The following SHKBP1 variants were observed in gnomAD, a reference collection of about 807,000 sequenced individuals.
The protein encoded by SHKBP1 is SH3KBP1 binding protein 1, also known as SH3KBP1-binding protein 1.
In SHKBP1, 71 loss-of-function variants were observed where a neutral mutation model predicts 83.9. The ratio of observed to expected loss-of-function variants is 0.85; its 90% CI spans 0.70 to 1.03. The LOEUF (loss-of-function observed/expected upper bound fraction) is 1.03. SHKBP1 is among the 50% of genes least tolerant of loss of function. The pLI is 0.00. For missense variants in SHKBP1, 824 were observed against 982.4 expected (o/e 0.84, Z 2.16); for synonymous variants, 371 against 398.0 (o/e 0.93, Z 0.81).
chr19:40,590,838 G>T lies in SHKBP1; in HGVS notation c.1877G>T (p.Arg626Leu). ...SWGCLPSPSP[R>L]ISLTSLHSAS... ...GGCTGTCTCCCCAGCCCCTCACCCCGCATCTCCCTCACCAGGTAGCCACAA... is the reference window on the plus strand; with the variant it reads ...GGCTGTCTCCCCAGCCCCTCACCCCTCATCTCCCTCACCAGGTAGCCACAA... Residue 626 changes from arginine to leucine, a missense_variant, in exon 17 of 18, where the codon CGC (arginine) becomes CTC (leucine). Transcript: ENST00000291842. The surrounding 1 kb of genome is among the most constrained non-coding windows in gnomAD (Gnocchi z 4.6). The T allele has an allele frequency of 3.8e-6, 6 of 1,584,702 alleles. No individual in the cohort carries two copies. The highest frequency in any genetic ancestry group is 4.3e-6 in the Non-Finnish European group (5 of 1,158,502).
At chr19:40,581,899 T>C (rs1390698353) in intron 9 of SHKBP1, among the ~76,000 whole-genome samples, 1 of 151,692 alleles carries the variant, frequency 6.6e-6, no homozygotes, top group African/African-American at 2.4e-5. Context: ...CCATTTTATC[T>C]TCTCTAATTC....
At chr19:40,584,364 C>T (rs1012113393) in intron 12 of SHKBP1, among the ~76,000 whole-genome samples, 3 of 152,186 alleles carry the variant, frequency 2.0e-5, no homozygotes, top group Non-Finnish European at 4.4e-5. Flanking sequence ...CCTGAGTTCT[C>T]TTACTTGAGA....
intron 13 of SHKBP1, 116 bp downstream of exon 13, chr19:40,587,060 G>A (rs2081318563): frequency 1.1e-5 from 11 of 974,042 alleles, no homozygotes; most frequent in Admixed American, 2.4e-5. Context: ...GAGCTCTGGC[G>A]GAGAGGATTG....
chr19:40,578,165 G>T lies in SHKBP1; in HGVS notation c.272G>T (p.Gly91Val). Residue 91 changes from glycine (G) to valine (V), a missense_variant, in exon 5 of 18, where the codon GGT becomes GTT. Coordinates refer to ENST00000291842, the MANE Select transcript of SHKBP1 (RefSeq NM_138392.4). The stretch of plus-strand genomic sequence containing the variant: ...ATTCTACTACCCAGGGGTGTCCACG[G>T]TTCCAGCCTCCTCCATGAAGCCCAG... Reference protein sequence around the residue: ...TKELDPRGVHGSSLLHEAQFY... With the variant: ...TKELDPRGVHVSSLLHEAQFY... The T allele has an allele frequency of 6.2e-7, 1 of 1,614,068 alleles. No homozygotes were observed. Among genetic ancestry groups the T allele is most frequent in the African/African-American group, 1.3e-5 (1 of 75,002 alleles).
intron 1 of SHKBP1, 69 bp downstream of exon 1, chr19:40,577,054 C>A: frequency 1.5e-6 from 2 of 1,304,726 alleles, no homozygotes; most frequent in Admixed American, 2.6e-5. Context: ...TCCGCCTCTC[C>A]TGGGGGAATC....
rs754046552 is a variant in SHKBP1, at chr19:40,588,644, G to A, written c.1357G>A (p.Val453Met). 1.5e-5 allele frequency: 25 copies of A among 1,614,036 alleles called. No homozygotes were observed. Among genetic ancestry groups the A allele is most frequent in the East Asian group, 4.5e-5 (2 of 44,888 alleles). The change falls in exon 14 of 18, where the codon GTG becomes ATG. Residue 453 changes from valine (V) to methionine (M), a missense_variant. By Grantham distance (21) the Val-to-Met change is conservative. Transcript: ENST00000291842. ...LISVCADNNH[V>M]RTWSVTRFRG... is the part of the protein sequence containing the mutation. ...CTCAGTCTGTGCCGACAACAACCACGTGCGGACATGGTCTGTGACTCGCTT... is the reference window on the plus strand; with the variant it reads ...CTCAGTCTGTGCCGACAACAACCACATGCGGACATGGTCTGTGACTCGCTT...
In SHKBP1 at chr19:40,584,754, G is replaced by A. The variant is rs1350629432; in HGVS notation, c.1165+1037G>A. ...CTCATGCCTCAGCTTCCTGAGTAGG[G>A]GAGGATTACAGGTGTGCATCACCAT... On this transcript the variant is annotated intron_variant, in intron 12 of 17. Coordinates refer to ENST00000291842, the MANE Select transcript of SHKBP1 (RefSeq NM_138392.4). Among the ~76,000 whole-genome samples the A allele has an allele frequency of 2.6e-5, 4 of 152,182 alleles. No individual in the cohort carries two copies. The East Asian group carries it at 7.7e-4, about 29-fold the overall frequency.
At chr19:40,583,794 T>C in intron 12 of SHKBP1, 77 bp downstream of exon 12, 2 of 1,124,132 alleles carry the variant, frequency 1.8e-6, no homozygotes, top group Non-Finnish European at 2.7e-6. Context: ...CCCCAACTTG[T>C]GTAGCATGAC....
In SHKBP1 at chr19:40,590,127, A is replaced by G. The variant is rs751432336; in HGVS notation, c.1590-117A>G. Reference sequence around the variant, plus strand: ...ACTGGAACTCAAAAGCAGGCTAGGGATGGATAAAGATTGGGATGGCCCCTG... The same window carrying G: ...ACTGGAACTCAAAAGCAGGCTAGGGGTGGATAAAGATTGGGATGGCCCCTG... On this transcript the variant is annotated intron_variant, in intron 15 of 17. Transcript: ENST00000291842. The surrounding 1 kb of genome is among the most constrained non-coding windows in gnomAD (Gnocchi z 4.6). The G allele has an allele frequency of 1.4e-5, 16 of 1,185,004 alleles. No homozygotes were observed. Among genetic ancestry groups the G allele is most frequent in the Admixed American group, 1.1e-4 (4 of 37,200 alleles). 73.4% of individuals were successfully genotyped at this position (1,185,004 alleles called of 1,614,324 possible). A position where few individuals can be genotyped will look rare whatever the true frequency, so the allele number is the denominator to read the frequency against.
At chr19:40,578,760 C>T (rs907711842) in intron 6 of SHKBP1, among the ~76,000 whole-genome samples, 1 of 152,112 alleles carries the variant, frequency 6.6e-6, no homozygotes, top group African/African-American at 2.4e-5. Context: ...AGAAGGATGT[C>T]CTGGAGCCCC....
rs190370595 is a variant in SHKBP1 at position 40,580,620 on chromosome 19, T to G, written c.617T>G (p.Ile206Ser). The G allele has an allele frequency of 6.2e-6, 10 of 1,614,164 alleles. No individual in the cohort carries two copies. The highest frequency in any genetic ancestry group is 8.5e-6 in the Non-Finnish European group (10 of 1,180,036). Reference sequence around the variant, plus strand: ...CTGGTGTGTGGACACCATAATTGGATCGCTGTGGCCTATACCCAGTTTCTA... The same window carrying G: ...CTGGTGTGTGGACACCATAATTGGAGCGCTGTGGCCTATACCCAGTTTCTA... ...VRLVCGHHNWIAVAYTQFLVC... is the reference protein window; with the variant it reads ...VRLVCGHHNWSAVAYTQFLVC... The change falls in exon 8 of 18, where the codon ATC becomes AGC. Residue 206 changes from isoleucine to serine, a missense_variant. Coordinates refer to ENST00000291842, the MANE Select transcript of SHKBP1 (RefSeq NM_138392.4).
chr19:40,591,205 T>G lies in SHKBP1; in HGVS notation c.2122T>G (p.Ter708GlyextTer6). ...GATGAAGCTCAATGAAACTTCCTTT[T>G]GAACAACGCAGCTGCCATGATGCCT... ...PKMKLNETSF[*>G] The change falls in exon 18 of 18, where the codon TGA becomes GGA. Residue 708 changes from the stop codon to glycine, a stop_lost. Coordinates refer to ENST00000291842, the MANE Select transcript of SHKBP1 (RefSeq NM_138392.4). 1 of 1,577,902 alleles carries G rather than the reference T, an allele frequency of 6.3e-7. No homozygotes were observed. The highest frequency in any genetic ancestry group is 1.1e-5 in the South Asian group (1 of 87,794).
intron 13 of SHKBP1, 31 bp from the exon 14 acceptor site, chr19:40,588,593 C>T: frequency 1.2e-6 from 2 of 1,613,446 alleles, no homozygotes; most frequent in South Asian, 2.2e-5. Context: ...CTGCACCAGG[C>T]CTGACTTCCT....
intron 6 of SHKBP1, among the ~76,000 whole-genome samples, 183 bp downstream of exon 6, chr19:40,578,725 A>G (rs2081243356): frequency 6.6e-6 from 1 of 152,114 alleles, no homozygotes; most frequent in African/African-American, 2.4e-5. Flanking sequence ...CCATGAGACA[A>G]TGGGCCAGCT....
chr19:40,585,390 G>A (rs1299175575), intron 12 of SHKBP1, among the ~76,000 whole-genome samples: 2 of 151,978 alleles, frequency 1.3e-5, no homozygotes, highest in South Asian at 2.1e-4. Flanking sequence ...ACAGACTTGA[G>A]TCACTGTGCT....
intron 15 of SHKBP1, among the ~76,000 whole-genome samples, chr19:40,589,968 G>T (rs931976811): frequency 6.6e-6 from 1 of 151,992 alleles, no homozygotes; most frequent in African/African-American, 2.4e-5. Flanking sequence ...AGGCCAGGAG[G>T]CTGATAGGAG....
intron 12 of SHKBP1, among the ~76,000 whole-genome samples, chr19:40,584,424 T>C (rs1312050246): frequency 6.6e-6 from 1 of 152,224 alleles, no homozygotes; most frequent in African/African-American, 2.4e-5. Flanking sequence ...GGGTTAATTT[T>C]TGAGACGTAA....
rs772573243 is a variant in SHKBP1 at position 40,578,157 on chromosome 19, T to A, written c.264T>A (p.Gly88=). 6.2e-7 allele frequency: 1 copy of A among 1,613,908 alleles called. No individual in the cohort carries two copies. Among genetic ancestry groups the A allele is most frequent in the Non-Finnish European group, 8.5e-7 (1 of 1,179,834 alleles). ...FLRTKELDPR[G]VHGSSLLHEA... is the part of the protein sequence containing the mutation. ...TCTAGTCAATTCTACTACCCAGGGG[T>A]GTCCACGGTTCCAGCCTCCTCCATG... is the stretch of plus-strand genomic sequence containing the variant. The change falls in exon 5 of 18, where the codon GGT becomes GGA. Residue 88 remains glycine, a synonymous_variant. Coordinates refer to ENST00000291842, the MANE Select transcript of SHKBP1 (RefSeq NM_138392.4).
chr19:40,582,610 G>A (rs1163567301), intron 10 of SHKBP1, 144 bp downstream of exon 10: 9 of 670,482 alleles, frequency 1.3e-5, no homozygotes, highest in South Asian at 1.9e-5. Flanking sequence ...GCCTGGGGAT[G>A]TCTGTGATAA....
Sources: allele counts gnomAD v4.1 joint callset (sites outside exome capture counted in the v4.1 genomes callset), GRCh38; gene constraint gnomAD v4.1.1; non-coding constraint Gnocchi (gnomAD v3.1); transcripts MANE v1.5; gene names NCBI Gene and HGNC (gene_info 2026-07-23, HGNC 2026-07-21).